The following TTC8 variants were observed in gnomAD, a reference collection of about 807,000 sequenced individuals.
TTC8 encodes tetratricopeptide repeat domain 8.
TTC8 carries 47 observed loss-of-function variants against 72.5 expected under a neutral mutation model. That is an observed-to-expected ratio of 0.65 (90% confidence interval 0.51 to 0.83). The LOEUF is 0.83. Ranked by LOEUF, TTC8 falls within the 40% of genes least tolerant of loss-of-function variation. The probability of loss-of-function intolerance (pLI) is 0.00; values close to 1 mark genes in which losing one functional copy is unlikely to be tolerated. For missense variants in TTC8, 611 were observed against 623.2 expected, an observed-to-expected ratio of 0.98 and a Z score of 0.21; for synonymous variants, 199 against 221.4, an observed-to-expected ratio of 0.90 and a Z score of 0.90.
At chr14:88,869,565 G>A (rs1425312479) in intron 10 of TTC8, among the ~76,000 whole-genome samples, 2 of 151,614 alleles carry the variant, frequency 1.3e-5, no homozygotes, top group African/African-American at 4.8e-5. Flanking sequence ...ATCTCCTTTT[G>A]TGCCACTTTC....
Position 88,853,002 on chromosome 14 carries a change from A to G in TTC8, c.656A>G (p.His219Arg). 6.2e-7 allele frequency: 1 copy of G among 1,613,650 alleles called. No individual in the cohort carries two copies. Among genetic ancestry groups the G allele is most frequent in the African/African-American group, 1.3e-5 (1 of 75,050 alleles). The stretch of plus-strand genomic sequence containing the variant: ...GATCTGGCTGCCCTCTCCACAGAAC[A>G]TTCTCAGTACAAGGACTGGTGGTGG... ...ALDLAALSTE[H>R]SQYKDWWWKV... The change falls in exon 8 of 15, where the codon CAT becomes CGT. Residue 219 changes from histidine (H) to arginine (R), a missense_variant. By Grantham distance (29) the His-to-Arg change is conservative (BLOSUM62 0). Transcript: ENST00000380656.
At chr14:88,875,656 C>A (rs2094954421) in intron 14 of TTC8, among the ~76,000 whole-genome samples, 1 of 152,106 alleles carries the variant, frequency 6.6e-6, no homozygotes, top group African/African-American at 2.4e-5. Context: ...CTAGCTTGTA[C>A]TTGGAAGGTG....
rs554201439 is a variant in TTC8 at position 88,877,446 on chromosome 14, C to G, written c.*36C>G. 20 of 1,547,042 alleles carry G rather than the reference C, an allele frequency of 1.3e-5. 1 individual carries two copies. The South Asian group carries it at 2.1e-4, about 16-fold the overall frequency. On this transcript the variant is annotated 3_prime_UTR_variant, in exon 15 of 15. Transcript: ENST00000380656. ...GACCACATATGTTCTTATGAAGCAGCATTATGCAAGGGGAAAAAAGCACTA... is the reference window on the plus strand; with the variant it reads ...GACCACATATGTTCTTATGAAGCAGGATTATGCAAGGGGAAAAAAGCACTA...
At chr14:88,860,573 T>C (rs1192686954) in intron 9 of TTC8, among the ~76,000 whole-genome samples, 4 of 152,174 alleles carry the variant, frequency 2.6e-5, no homozygotes, top group Admixed American at 6.5e-5. Flanking sequence ...AGTCTCCTAA[T>C]TGGTTTCTTA....
chr14:88,860,786 T>A (rs956767164), intron 9 of TTC8, among the ~76,000 whole-genome samples: 1 of 151,904 alleles, frequency 6.6e-6, no homozygotes, highest in Non-Finnish European at 1.5e-5. Context: ...TCCTGCACAT[T>A]TTTGAAAATT....
At chr14:88,876,903 T>C (rs1283706235) in intron 14 of TTC8, among the ~76,000 whole-genome samples, 1 of 152,204 alleles carries the variant, frequency 6.6e-6, no homozygotes, top group East Asian at 1.9e-4. Context: ...TCTCTAAGTT[T>C]TCTGAGCTAT....
chr14:88,863,524 T>A (rs143386134), intron 10 of TTC8, among the ~76,000 whole-genome samples: 50 of 152,304 alleles, frequency 3.3e-4, no homozygotes, highest in African/African-American at 1.2e-3. Flanking sequence ...CACACACTGT[T>A]TATCACACAA....
At chr14:88,827,544 C>T (rs965553631) in intron 1 of TTC8, among the ~76,000 whole-genome samples, 13 of 152,142 alleles carry the variant, frequency 8.5e-5, no homozygotes, top group African/African-American at 3.1e-4. Context: ...AACTTGATGT[C>T]ATCTTACCAG....
Position 88,834,678 on chromosome 14 carries a change from CTGAT to C in TTC8, c.144+957_144+960del, listed in dbSNP as rs2094741868. On this transcript the variant is annotated intron_variant, in intron 2 of 14. Coordinates refer to ENST00000380656, the MANE Select transcript of TTC8 (RefSeq NM_144596.4). ...AATGTTCATAATCTTGATTTACAAA[CTGAT>C]AGATGGGGCAAAACTATTTTTTTTT... Among the ~76,000 whole-genome samples the C allele has an allele frequency of 2.0e-5, 3 of 151,760 alleles. No individual in the cohort carries two copies. In the South Asian group the frequency reaches 6.2e-4, roughly 32 times the overall value.
Position 88,841,024 on chromosome 14 carries a change from A to G in TTC8, c.330-13A>G. 1 of 1,614,108 alleles carries G rather than the reference A, an allele frequency of 6.2e-7. No individual in the cohort carries two copies. The highest frequency in any genetic ancestry group is 8.5e-7 in the Non-Finnish European group (1 of 1,179,994). ...GATCTTCTTTGTATTATAACAATTT[A>G]TAATCTTCACAGGCCAATCACACAA... On this transcript the variant is annotated splice_polypyrimidine_tract_variant and intron_variant, in intron 4 of 14. Transcript: ENST00000380656.
Position 88,858,537 on chromosome 14 carries a change from ATGTT to A in TTC8, c.798+1263_798+1266del, listed in dbSNP as rs561735648. On this transcript the variant is annotated intron_variant, in intron 9 of 14. Transcript: ENST00000380656. ...TAGTATGTTTTAATGACTTTCAAAA[ATGTT>A]TGAAACTATCTGGTATCTAACTTTA... is the stretch of plus-strand genomic sequence containing the variant. 1.7e-3 allele frequency among the ~76,000 whole-genome samples: 261 copies of A among 152,258 alleles called. 3 individuals are homozygous for A. Among genetic ancestry groups the A allele is most frequent in the African/African-American group, 6.0e-3 (249 of 41,554 alleles).
intron 13 of TTC8, 77 bp downstream of exon 13, chr14:88,872,529 C>T (rs1428510145): frequency 1.4e-5 from 22 of 1,587,592 alleles, no homozygotes; most frequent in South Asian, 2.2e-5. Context: ...AGCATTACAG[C>T]GTATGTTATT....
chr14:88,860,083 C>G lies in TTC8; in HGVS notation c.799-1139C>G, dbSNP rs1019441690. Among the ~76,000 whole-genome samples, 4 of 148,464 alleles carry G rather than the reference C, an allele frequency of 2.7e-5. No homozygotes were observed. In the East Asian group the frequency reaches 7.8e-4, roughly 29 times the overall value. Reference sequence around the variant, plus strand: ...TTAATTGTTAATTTAAAAATTAAACCTTTTAGATTATGTAAATACTAATTA... The same window carrying G: ...TTAATTGTTAATTTAAAAATTAAACGTTTTAGATTATGTAAATACTAATTA... On this transcript the variant is annotated intron_variant, in intron 9 of 14. Coordinates refer to ENST00000380656, the MANE Select transcript of TTC8 (RefSeq NM_144596.4).
chr14:88,838,102 C>T (rs2094761628), intron 2 of TTC8, among the ~76,000 whole-genome samples: 1 of 152,140 alleles, frequency 6.6e-6, no homozygotes, highest in African/African-American at 2.4e-5. Flanking sequence ...CATCTTTATT[C>T]CCATTAAAAT....
chr14:88,858,839 C>T lies in TTC8; in HGVS notation c.798+1562C>T, dbSNP rs116908464. 2.5e-3 allele frequency among the ~76,000 whole-genome samples: 363 copies of T among 142,718 alleles called. 4 individuals are homozygous for T. The East Asian group carries it at 0.052, about 20-fold the overall frequency. The allele number at this position is 142,718 out of a possible 152,430, so 93.6% of individuals were successfully genotyped here. A position where few individuals can be genotyped will look rare whatever the true frequency, so the allele number is the denominator to read the frequency against. On this transcript the variant is annotated intron_variant, in intron 9 of 14. Coordinates refer to ENST00000380656, the MANE Select transcript of TTC8 (RefSeq NM_144596.4). ...CTGGTCTCAAACTCCTGGCCTCAAG[C>T]GATCCTCTGGCCTCAGCCTACCAAA...
intron 10 of TTC8, among the ~76,000 whole-genome samples, chr14:88,866,714 T>A (rs1204816805): frequency 1.3e-5 from 2 of 152,176 alleles, no homozygotes; most frequent in Non-Finnish European, 2.9e-5. Context: ...CCTTCCTGTG[T>A]TGTTGAACTA....
intron 13 of TTC8, 142 bp downstream of exon 13, chr14:88,872,594 G>A: frequency 2.5e-6 from 3 of 1,223,198 alleles, no homozygotes; most frequent in African/African-American, 1.5e-5. Flanking sequence ...GCTCTGTTGT[G>A]TATTAGCTGT....
Position 88,840,899 on chromosome 14 carries a change from T to C in TTC8, c.300T>C (p.Asn100=). ...PGTSLKLPGT[N]QTGGPSQAVR... Reference sequence around the variant, plus strand: ...CGTCTTTGAAACTCCCTGGAACTAATCAGACAGGAGGGCCTAGCCAGGCCG... The same window carrying C: ...CGTCTTTGAAACTCCCTGGAACTAACCAGACAGGAGGGCCTAGCCAGGCCG... Residue 100 remains asparagine, a synonymous_variant, in exon 4 of 15, where the codon AAT becomes AAC. Transcript: ENST00000380656. 6.2e-7 allele frequency: 1 copy of C among 1,614,142 alleles called. No individual in the cohort carries two copies. Among genetic ancestry groups the C allele is most frequent in the Non-Finnish European group, 8.5e-7 (1 of 1,180,002 alleles).
At chr14:88,852,416 G>A (rs1312765297) in intron 7 of TTC8, among the ~76,000 whole-genome samples, 2 of 152,186 alleles carry the variant, frequency 1.3e-5, no homozygotes, top group African/African-American at 4.8e-5. Context: ...GGGACTTAAG[G>A]TGATGTCAGA....
Sources: allele counts gnomAD v4.1 joint callset (sites outside exome capture counted in the v4.1 genomes callset), GRCh38; gene constraint gnomAD v4.1.1; transcripts MANE v1.5; gene names NCBI Gene and HGNC (gene_info 2026-07-23, HGNC 2026-07-21).